SLC8A1: variants seen among roughly 807,000 people sequenced by gnomAD.
SLC8A1 encodes sodium/calcium exchanger 1.
Under a neutral mutation model 68.3 loss-of-function variants are expected in SLC8A1, and 18 were observed. That is an observed-to-expected ratio of 0.26 (90% CI 0.18 to 0.39). The LOEUF (loss-of-function observed/expected upper bound fraction) is 0.39, where lower values mean the gene tolerates loss of function less well. SLC8A1 is among the 10% of genes least tolerant of loss of function. The pLI, the probability that SLC8A1 is intolerant of heterozygous loss-of-function variation, is 1.00. For missense variants in SLC8A1, 985 were observed against 1,156.7 expected (o/e 0.85, Z 2.15); for synonymous variants, 475 against 415.5 (o/e 1.14, Z -1.74).
At chr2:40,481,869 C>G (rs966069866) in intron 1 of SLC8A1, among the ~76,000 whole-genome samples, 1 of 151,974 alleles carries the variant, frequency 6.6e-6, no homozygotes, top group Admixed American at 6.6e-5. Flanking sequence ...TCTTCTATAC[C>G]CTTTTAGTTG....
At chr2:40,392,756 A>C (rs1285687737) in intron 2 of SLC8A1, among the ~76,000 whole-genome samples, 1 of 152,124 alleles carries the variant, frequency 6.6e-6, no homozygotes, top group Non-Finnish European at 1.5e-5. Flanking sequence ...AAGAAAACGG[A>C]GAAGAGGACA....
chr2:40,336,433 A>G (rs1457061215), intron 2 of SLC8A1, among the ~76,000 whole-genome samples: 2 of 152,202 alleles, frequency 1.3e-5, no homozygotes, highest in East Asian at 3.8e-4. Context: ...CAGAATATCC[A>G]TTTTATACAT....
intron 1 of SLC8A1, among the ~76,000 whole-genome samples, chr2:40,481,312 A>G (rs997398805): frequency 1.3e-5 from 2 of 152,236 alleles, no homozygotes; most frequent in Non-Finnish European, 2.9e-5. Flanking sequence ...AATTAATGCC[A>G]TATTTATTTG....
rs1036610052 is a variant in SLC8A1 at position 40,378,854 on chromosome 2, C to G, written c.1808+49619G>C. Among the ~76,000 whole-genome samples the G allele has an allele frequency of 9.9e-5, 15 of 152,082 alleles. 1 individual carries two copies. The highest frequency in any genetic ancestry group is 2.4e-5 in the African/African-American group (1 of 41,426). ...TTGCTGAGGTTGAGCTCAATGCCAC[C>G]TCCTAGAGAGGTCTTCTTTGACCAT... On this transcript the variant is annotated intron_variant, in intron 2 of 7. Coordinates refer to ENST00000406785, the Ensembl canonical transcript of SLC8A1.
intron 2 of SLC8A1, among the ~76,000 whole-genome samples, chr2:40,283,454 T>C (rs2067808653): frequency 6.6e-6 from 1 of 152,342 alleles, no homozygotes; most frequent in East Asian, 1.9e-4. Flanking sequence ...GGGATCACTT[T>C]AAAGGTGTTT....
chr2:40,163,059 T>C (rs2045962668), intron 5 of SLC8A1, among the ~76,000 whole-genome samples: 2 of 152,186 alleles, frequency 1.3e-5, no homozygotes, highest in South Asian at 2.1e-4. Context: ...TAATGGTAAC[T>C]ATACTGATGA....
intron 2 of SLC8A1, among the ~76,000 whole-genome samples, chr2:40,331,449 A>C (rs1235027267): frequency 6.6e-6 from 1 of 152,170 alleles, no homozygotes; most frequent in Non-Finnish European, 1.5e-5. Context: ...ACCCTACAGT[A>C]AAGAACACTC....
At chr2:40,466,032 C>T (rs1193693082) in intron 1 of SLC8A1, among the ~76,000 whole-genome samples, 3 of 152,088 alleles carry the variant, frequency 2.0e-5, no homozygotes, top group Non-Finnish European at 4.4e-5. Context: ...GATGCCAGCA[C>T]CTTGATTGTG....
intron 2 of SLC8A1, among the ~76,000 whole-genome samples, chr2:40,285,681 G>T (rs1006526945): frequency 6.6e-6 from 1 of 152,106 alleles, no homozygotes; most frequent in South Asian, 2.1e-4. Context: ...GTGAAACAAG[G>T]TATTTTGCTC....
chr2:40,430,947 G>T (rs371357729), intron 1 of SLC8A1, among the ~76,000 whole-genome samples: 4 of 152,124 alleles, frequency 2.6e-5, no homozygotes, highest in Admixed American at 2.6e-4. Flanking sequence ...TGAAATCAAA[G>T]CTCAATGGCA....
intron 2 of SLC8A1, among the ~76,000 whole-genome samples, chr2:40,373,703 A>T (rs1229182515): frequency 6.6e-6 from 1 of 152,226 alleles, no homozygotes; most frequent in East Asian, 1.9e-4. Flanking sequence ...CGAGGCTCAG[A>T]ATTCCCACTT....
At chr2:40,200,249 T>TATAAAAAA (rs1553408010) in intron 2 of SLC8A1, among the ~76,000 whole-genome samples, 12 of 26,990 alleles carry the variant, frequency 4.4e-4, no homozygotes, top group African/African-American at 1.1e-3. Flanking sequence ...AATATATATA[T>TATAAAAAA]ATATATATAT....
At chr2:40,457,332 G>A (rs1160605769) in intron 1 of SLC8A1, among the ~76,000 whole-genome samples, 2 of 152,048 alleles carry the variant, frequency 1.3e-5, no homozygotes, top group Admixed American at 6.6e-5. Flanking sequence ...ATGTCCCTGC[G>A]AGATTACACT....
At chr2:40,122,960 G>A (rs2037252891) in intron 7 of SLC8A1, among the ~76,000 whole-genome samples, 1 of 152,034 alleles carries the variant, frequency 6.6e-6, no homozygotes, top group African/African-American at 2.4e-5. Flanking sequence ...AATTAAAGGA[G>A]AGAAAAAAAT....
At chr2:40,398,417 G>T (rs1296130199) in intron 2 of SLC8A1, among the ~76,000 whole-genome samples, 1 of 152,064 alleles carries the variant, frequency 6.6e-6, no homozygotes, top group Non-Finnish European at 1.5e-5. Flanking sequence ...TTTTTCTACT[G>T]TATGTAGTTA....
chr2:40,492,383 T>G (rs6714945), intron 1 of SLC8A1, among the ~76,000 whole-genome samples: 148,827 of 152,076 alleles, frequency 0.98, 72,904 homozygotes, highest in Non-Finnish European at 1. Context: ...CCTAAAACCA[T>G]AAAAACCCTA....
chr2:40,142,230 T>A (rs1294643685), intron 6 of SLC8A1, among the ~76,000 whole-genome samples: 1 of 152,192 alleles, frequency 6.6e-6, no homozygotes, highest in Non-Finnish European at 1.5e-5. Flanking sequence ...ACACTTTAGC[T>A]CCAGGTAGAA....
intron 2 of SLC8A1, among the ~76,000 whole-genome samples, chr2:40,337,866 C>G (rs919644310): frequency 1.3e-5 from 2 of 152,064 alleles, no homozygotes; most frequent in African/African-American, 2.4e-5. Flanking sequence ...TCAGTTCTAC[C>G]TACTATTTAA....
chr2:40,469,388 A>C (rs561019873), intron 1 of SLC8A1, among the ~76,000 whole-genome samples: 1 of 152,236 alleles, frequency 6.6e-6, no homozygotes, highest in South Asian at 2.1e-4. Context: ...CCACCATGTG[A>C]AGAAGGTCCT....
Sources: gnomAD v4.1 joint callset for allele counts (sites outside exome capture counted in the v4.1 genomes callset) on GRCh38, gnomAD v4.1.1 for gene constraint, MANE v1.5 for transcripts, NCBI Gene and HGNC (gene_info 2026-07-23, HGNC 2026-07-21) for gene names.